Variants in UVRAG observed in about 807,000 individuals in gnomAD.
UVRAG encodes UV radiation resistance-associated gene protein.
UVRAG carries 19 observed loss-of-function variants against 78.0 expected under a neutral mutation model. The ratio of observed to expected loss-of-function variants is 0.24; its 90% CI spans 0.17 to 0.36. The LOEUF is 0.36. Ranked by LOEUF, UVRAG falls within the 10% of genes least tolerant of loss-of-function variation. The probability of loss-of-function intolerance (pLI) is 1.00; values close to 1 mark genes in which losing one functional copy is unlikely to be tolerated. For synonymous variants in UVRAG, 323 were observed against 324.6 expected (o/e 1.00, Z 0.05); for missense variants, 740 against 853.8 (o/e 0.87, Z 1.66).
chr11:75,958,790 C>A (rs1241088747), intron 6 of UVRAG, among the ~76,000 whole-genome samples: 2 of 152,158 alleles, frequency 1.3e-5, no homozygotes, highest in Non-Finnish European at 2.9e-5. Context: ...TCTGTGGCAA[C>A]TCTAGGCTTA....
chr11:75,984,162 A>AT (rs1453995681), intron 8 of UVRAG, among the ~76,000 whole-genome samples: 1 of 152,206 alleles, frequency 6.6e-6, no homozygotes, highest in Non-Finnish European at 1.5e-5. Flanking sequence ...GGCTAGCAGT[A>AT]TGTGGTATGA....
At chr11:75,929,272 T>C (rs1948180189) in intron 6 of UVRAG, among the ~76,000 whole-genome samples, 2 of 152,228 alleles carry the variant, frequency 1.3e-5, no homozygotes, top group Admixed American at 6.5e-5. Flanking sequence ...TTGTTAATTA[T>C]TTGAAATAAA....
chr11:75,967,898 A>T (rs1018876786), intron 7 of UVRAG, among the ~76,000 whole-genome samples: 4 of 152,214 alleles, frequency 2.6e-5, no homozygotes, highest in African/African-American at 9.6e-5. Flanking sequence ...TTATCTTACA[A>T]GACTCTGTAA....
At chr11:75,816,264 A>G (rs1209381594) in intron 1 of UVRAG, among the ~76,000 whole-genome samples, 1 of 152,230 alleles carries the variant, frequency 6.6e-6, no homozygotes, top group East Asian at 1.9e-4. Context: ...GTAGGAAGAT[A>G]AGAAGGGGGA....
chr11:75,953,656 G>A (rs1948744599), intron 6 of UVRAG, among the ~76,000 whole-genome samples: 1 of 151,942 alleles, frequency 6.6e-6, no homozygotes, highest in African/African-American at 2.4e-5. Context: ...CTTCATCTCA[G>A]TTAATCTTTA....
chr11:76,141,896 A>G lies in UVRAG; in HGVS notation c.*483A>G, dbSNP rs2134522091. The G allele has an allele frequency of 6.0e-6, 1 of 166,388 alleles. No homozygotes were observed. The highest frequency in any genetic ancestry group is 1.3e-5 in the Non-Finnish European group (1 of 76,484). 10.3% of individuals were successfully genotyped at this position (166,388 alleles called of 1,614,324 possible). A position where few individuals can be genotyped will look rare whatever the true frequency, so the allele number is the denominator to read the frequency against. On this transcript the variant is annotated 3_prime_UTR_variant, in exon 15 of 15. Coordinates refer to ENST00000356136, the MANE Select transcript of UVRAG (RefSeq NM_003369.4). ...TGGCCATCTGTGAGGTAGATGAAGA[A>G]GCAGCATAGTGGTCTCCTTACATCT...
chr11:76,131,104 C>T (rs7928420), intron 14 of UVRAG, among the ~76,000 whole-genome samples: 6,358 of 152,216 alleles, frequency 0.042, 247 homozygotes, highest in East Asian at 0.22. Flanking sequence ...ATATAAATGA[C>T]ATCAAGATGG....
chr11:75,921,689 T>C (rs1947984027), intron 6 of UVRAG, among the ~76,000 whole-genome samples: 1 of 151,492 alleles, frequency 6.6e-6, no homozygotes, highest in Non-Finnish European at 1.5e-5. Flanking sequence ...AATTGCAATT[T>C]ATTTTTTTTT....
At chr11:75,866,340 C>T (rs569151927) in intron 3 of UVRAG, among the ~76,000 whole-genome samples, 5 of 151,226 alleles carry the variant, frequency 3.3e-5, no homozygotes, top group South Asian at 2.1e-4. Context: ...GGCAAGATGA[C>T]GAGACTCCCA....
At chr11:76,101,221 A>G (rs1051019177) in intron 13 of UVRAG, among the ~76,000 whole-genome samples, 3 of 152,146 alleles carry the variant, frequency 2.0e-5, no homozygotes, top group African/African-American at 7.2e-5. Flanking sequence ...CCAACAGTGT[A>G]TAAGCTTTCC....
At chr11:76,045,967 G>A (rs1190823656) in intron 12 of UVRAG, among the ~76,000 whole-genome samples, 2 of 152,056 alleles carry the variant, frequency 1.3e-5, no homozygotes, top group African/African-American at 4.8e-5. Context: ...ACATCACTGT[G>A]AAATTATGGA....
At chr11:76,034,883 T>C (rs1266074629) in intron 12 of UVRAG, among the ~76,000 whole-genome samples, 2 of 152,228 alleles carry the variant, frequency 1.3e-5, no homozygotes, top group Non-Finnish European at 2.9e-5. Flanking sequence ...GATGAAATAC[T>C]AGAAGTATTA....
At chr11:76,124,819 A>G (rs1952356063) in intron 14 of UVRAG, among the ~76,000 whole-genome samples, 2 of 152,254 alleles carry the variant, frequency 1.3e-5, no homozygotes, top group Admixed American at 6.5e-5. Flanking sequence ...AAAGTATTAG[A>G]AGAAGAAAAT....
chr11:76,049,505 C>A (rs1950822827), intron 12 of UVRAG, among the ~76,000 whole-genome samples: 1 of 151,930 alleles, frequency 6.6e-6, no homozygotes, highest in Non-Finnish European at 1.5e-5. Context: ...AGAAGAAATC[C>A]CTTAGTTTTT....
chr11:75,880,825 G>T (rs1273352378), intron 4 of UVRAG, among the ~76,000 whole-genome samples: 2 of 151,698 alleles, frequency 1.3e-5, no homozygotes, highest in Admixed American at 6.6e-5. Context: ...AAAGTGCTGG[G>T]ATTACAGGTG....
chr11:75,832,385 T>C (rs1945678121), intron 1 of UVRAG, among the ~76,000 whole-genome samples: 1 of 152,216 alleles, frequency 6.6e-6, no homozygotes, highest in Non-Finnish European at 1.5e-5. Flanking sequence ...TCTCCTTGTG[T>C]TCAGTAATTT....
chr11:75,987,480 T>G (rs534135980), intron 8 of UVRAG, among the ~76,000 whole-genome samples: 2 of 152,234 alleles, frequency 1.3e-5, no homozygotes, highest in African/African-American at 4.8e-5. Flanking sequence ...ATGATGGCAT[T>G]TTTATTTCTC....
chr11:75,938,429 A>G (rs1030691684), intron 6 of UVRAG, among the ~76,000 whole-genome samples: 1 of 152,152 alleles, frequency 6.6e-6, no homozygotes, highest in African/African-American at 2.4e-5. Flanking sequence ...AGGCATTGTC[A>G]ATTTTACCTT....
intron 3 of UVRAG, among the ~76,000 whole-genome samples, chr11:75,864,647 T>C (rs752215807): frequency 4.8e-4 from 73 of 152,276 alleles, no homozygotes; most frequent in Non-Finnish European, 9.3e-4. Flanking sequence ...TTGTTACCAT[T>C]GTGCTTGGCA....
Sources: allele counts gnomAD v4.1 joint callset (sites outside exome capture counted in the v4.1 genomes callset), GRCh38; gene constraint gnomAD v4.1.1; transcripts MANE v1.5; gene names NCBI Gene and HGNC (gene_info 2026-07-23, HGNC 2026-07-21).